The following WBP2NL variants were observed in gnomAD, a reference collection of about 807,000 sequenced individuals.
WBP2NL encodes the protein WBP2 N-terminal like.
WBP2NL carries 27 observed loss-of-function variants against 23.3 expected under a neutral mutation model. That is an observed-to-expected ratio of 1.16 (90% CI 0.85 to 1.60). WBP2NL has a LOEUF of 1.60. WBP2NL is among the 40% of genes most tolerant of loss of function. The pLI, the probability that WBP2NL is intolerant of heterozygous loss-of-function variation, is 0.00. For missense variants in WBP2NL, 370 were observed against 389.5 expected, an observed-to-expected ratio of 0.95 and a Z score of 0.42; for synonymous variants, 151 against 145.9, an observed-to-expected ratio of 1.03 and a Z score of -0.25.
intron 8 of WBP2NL, among the ~76,000 whole-genome samples, chr22:42,056,068 TTG>T (rs1277615073): frequency 5.9e-5 from 9 of 152,358 alleles, no homozygotes; most frequent in Admixed American, 3.3e-4. Flanking sequence ...ATTTTACTAT[TTG>T]TGTGTTATGT....
intron 4 of WBP2NL, among the ~76,000 whole-genome samples, chr22:42,021,423 C>G (rs1419042063): frequency 6.6e-6 from 1 of 152,174 alleles, no homozygotes; most frequent in Admixed American, 6.5e-5. Flanking sequence ...TCCTCAGAAT[C>G]TGTGACTGTT....
Position 41,998,860 on chromosome 22 carries a change from C to G in WBP2NL, c.42C>G (p.Ala14=), listed in dbSNP as rs531678605. The change falls in exon 1 of 6, where the codon GCC becomes GCG. Residue 14 remains alanine (A), a synonymous_variant. Coordinates refer to ENST00000328823, the MANE Select transcript of WBP2NL (RefSeq NM_152613.3). ...NQSHTENRRG[A]LIPNGESLLK... Reference sequence around the variant, plus strand: ...GCCACACCGAGAACCGCCGCGGAGCCCTCATCCCTAACGGTGAAAGGTGCC... The same window carrying G: ...GCCACACCGAGAACCGCCGCGGAGCGCTCATCCCTAACGGTGAAAGGTGCC... The G allele has an allele frequency of 3.7e-6, 6 of 1,612,156 alleles. No individual in the cohort carries two copies. The highest frequency in any genetic ancestry group is 2.2e-5 in the East Asian group (1 of 44,822).
intron 8 of WBP2NL, among the ~76,000 whole-genome samples, chr22:42,057,689 G>A (rs758147042): frequency 3.3e-5 from 5 of 150,576 alleles, no homozygotes; most frequent in South Asian, 2.1e-4. Context: ...TCAGTAGTTC[G>A]TACTGGACTA....
chr22:42,014,308 C>T (rs187237668), intron 1 of WBP2NL, among the ~76,000 whole-genome samples: 6 of 152,286 alleles, frequency 3.9e-5, no homozygotes, highest in African/African-American at 1.2e-4. Context: ...TCACTACAGC[C>T]TTGACCTCCC....
chr22:42,027,028 T>C lies in WBP2NL; in HGVS notation c.777T>C (p.Tyr259=), dbSNP rs1924578963. The C allele has an allele frequency of 1.9e-6, 3 of 1,613,580 alleles. No homozygotes were observed. Among genetic ancestry groups the C allele is most frequent in the Non-Finnish European group, 2.5e-6 (3 of 1,179,788 alleles). The change falls in exon 6 of 6, where the codon TAT becomes TAC. Residue 259 remains tyrosine, a synonymous_variant. Transcript: ENST00000328823. The stretch of plus-strand genomic sequence containing the variant: ...GATATGGAGCCCCACCTCTCGGATA[T>C]GGAGCCCCACCTGCAGGAAATGAAG... ...PLGYGAPPLG[Y]GAPPAGNEGP...
chr22:42,006,853 C>A (rs538444519), intron 1 of WBP2NL, among the ~76,000 whole-genome samples: 1 of 152,194 alleles, frequency 6.6e-6, no homozygotes, highest in Admixed American at 6.5e-5. Context: ...TTTTTCTGAC[C>A]CCAGCTGAGA....
At chr22:42,047,592 C>A (rs1343892375) in intron 8 of WBP2NL, among the ~76,000 whole-genome samples, 3 of 149,592 alleles carry the variant, frequency 2.0e-5, no homozygotes, top group East Asian at 2.0e-4. Flanking sequence ...CAACAAAAAA[C>A]CCCCCGCCTC....
intron 5 of WBP2NL, among the ~76,000 whole-genome samples, 197 bp downstream of exon 5, chr22:42,022,553 G>C (rs1468607905): frequency 6.6e-6 from 1 of 152,220 alleles, no homozygotes; most frequent in East Asian, 1.9e-4. Context: ...TTGGTTTCAG[G>C]CTTACTTTTA....
chr22:42,010,038 C>G (rs1602445685), intron 1 of WBP2NL, among the ~76,000 whole-genome samples: 1 of 152,106 alleles, frequency 6.6e-6, no homozygotes, highest in Admixed American at 6.5e-5. Flanking sequence ...GAGGTTTATT[C>G]CTAAGTATTT....
chr22:42,025,411 C>T (rs1457839493), intron 5 of WBP2NL, among the ~76,000 whole-genome samples: 1 of 152,224 alleles, frequency 6.6e-6, no homozygotes, highest in African/African-American at 2.4e-5. Context: ...GACAATTCTT[C>T]ACCAATGTGG....
At chr22:42,017,209 T>C (rs2065717402) in intron 1 of WBP2NL, among the ~76,000 whole-genome samples, 1 of 152,126 alleles carries the variant, frequency 6.6e-6, no homozygotes, top group Admixed American at 6.5e-5. Context: ...CTGTGCCCCA[T>C]GGCTCAAGCA....
At chr22:42,026,289 A>AATG (rs1269957507) in intron 5 of WBP2NL, among the ~76,000 whole-genome samples, 1 of 133,672 alleles carries the variant, frequency 7.5e-6, no homozygotes, top group Non-Finnish European at 1.5e-5. Context: ...TAATAATAAT[A>AATG]ATAATAATAA....
intron 1 of WBP2NL, among the ~76,000 whole-genome samples, chr22:42,010,631 A>G (rs554525576): frequency 1.1e-4 from 17 of 151,612 alleles, no homozygotes; most frequent in African/African-American, 3.6e-4. Context: ...CTCTGCCTCC[A>G]AGGTTCACGC....
chr22:42,055,579 A>C (rs1054319279), intron 8 of WBP2NL, among the ~76,000 whole-genome samples: 1 of 152,158 alleles, frequency 6.6e-6, no homozygotes, highest in African/African-American at 2.4e-5. Context: ...TTCTGCTGCT[A>C]TTGGGTGGAA....
At chr22:42,034,567 T>C (rs995678442), downstream of WBP2NL, among the ~76,000 whole-genome samples, 2 of 152,228 alleles carry the variant, frequency 1.3e-5, no homozygotes, top group African/African-American at 4.8e-5. Flanking sequence ...GATAACATCT[T>C]ATCAGGAGAC....
intron 8 of WBP2NL, among the ~76,000 whole-genome samples, chr22:42,050,546 G>T (rs1925801332): frequency 6.6e-6 from 1 of 151,876 alleles, no homozygotes; most frequent in Admixed American, 6.6e-5. Flanking sequence ...TACTCAGGAG[G>T]TTGAGGCAGG....
At chr22:42,033,022 G>C, downstream of WBP2NL, 1 of 170,158 alleles carries the variant, frequency 5.9e-6, no homozygotes, top group Non-Finnish European at 1.3e-5. Context: ...GGCCCACTGG[G>C]CTCATTCCAC....
chr22:42,054,182 A>G (rs1239572512), intron 8 of WBP2NL, among the ~76,000 whole-genome samples: 1 of 151,648 alleles, frequency 6.6e-6, no homozygotes, highest in East Asian at 1.9e-4. Flanking sequence ...ATTGCTTCTG[A>G]TTTAAAAAAA....
At chr22:42,050,657 T>TC (rs1225770918) in intron 8 of WBP2NL, among the ~76,000 whole-genome samples, 5 of 123,856 alleles carry the variant, frequency 4.0e-5, no homozygotes, top group Admixed American at 2.8e-4. Flanking sequence ...CCCCGTCCCC[T>TC]CCCAAAAAAA....
Sources: gnomAD v4.1 joint callset for allele counts (sites outside exome capture counted in the v4.1 genomes callset) on GRCh38, gnomAD v4.1.1 for gene constraint, MANE v1.5 for transcripts, NCBI Gene and HGNC (gene_info 2026-07-23, HGNC 2026-07-21) for gene names.